KIF15: variants seen among roughly 807,000 people sequenced by gnomAD.
KIF15 encodes the protein kinesin-like protein KIF15.
In KIF15, 140 loss-of-function variants were observed where a neutral mutation model predicts 190.6. The observed-to-expected ratio is 0.73, with a 90% CI of 0.64 to 0.84. The LOEUF is 0.84. Ranked by LOEUF, KIF15 falls within the 40% of genes least tolerant of loss-of-function variation. KIF15 has a pLI of 0.00. For synonymous variants in KIF15, 528 were observed against 551.3 expected, an observed-to-expected ratio of 0.96 and a Z score of 0.59; for missense variants, 1,372 against 1,584.4, an observed-to-expected ratio of 0.87 and a Z score of 2.28.
intron 1 of KIF15, among the ~76,000 whole-genome samples, chr3:44,769,018 A>G (rs1477082009): frequency 6.6e-6 from 1 of 152,052 alleles, no homozygotes; most frequent in Non-Finnish European, 1.5e-5. Flanking sequence ...GTTAAAAAAA[A>G]TTTTTACCCT....
chr3:44,771,921 C>CA (rs1416481510), intron 1 of KIF15, among the ~76,000 whole-genome samples: 6 of 152,088 alleles, frequency 3.9e-5, no homozygotes, highest in African/African-American at 1.4e-4. Context: ...TAACCCTAGG[C>CA]AAAAATGTAC....
intron 6 of KIF15, among the ~76,000 whole-genome samples, chr3:44,866,296 TCTC>T (rs1180173332): frequency 2.0e-5 from 3 of 152,096 alleles, no homozygotes; most frequent in Non-Finnish European, 2.9e-5. Context: ...ATAGTCTCGA[TCTC>T]CTGACCTCGT....
intron 7 of KIF15, among the ~76,000 whole-genome samples, chr3:44,788,859 G>A (rs995993933): frequency 6.6e-6 from 1 of 152,106 alleles, no homozygotes; most frequent in Non-Finnish European, 1.5e-5. Context: ...AATTATCTGG[G>A]TCTTGTGAGA....
intron 27 of KIF15, among the ~76,000 whole-genome samples, chr3:44,840,010 T>C (rs984996557): frequency 2.0e-5 from 3 of 152,250 alleles, no homozygotes; most frequent in East Asian, 1.9e-4. Flanking sequence ...GTCTCTTCAA[T>C]AGACTGATTT....
intron 17 of KIF15, among the ~76,000 whole-genome samples, chr3:44,811,740 T>C (rs990199278): frequency 6.6e-6 from 1 of 152,172 alleles, no homozygotes; most frequent in African/African-American, 2.4e-5. Flanking sequence ...TATTCCAGAA[T>C]TTTTATGGTT....
intron 1 of KIF15, among the ~76,000 whole-genome samples, chr3:44,773,847 C>T (rs574011499): frequency 2.0e-5 from 3 of 152,114 alleles, no homozygotes; most frequent in Non-Finnish European, 4.4e-5. Context: ...AAAGATTAGG[C>T]ACATGGATAC....
chr3:44,824,136 C>T (rs2125684644), intron 20 of KIF15, among the ~76,000 whole-genome samples: 1 of 152,324 alleles, frequency 6.6e-6, no homozygotes, highest in Middle Eastern at 3.4e-3. Flanking sequence ...TCCTGTTTGG[C>T]CATCTTGCCT....
intron 31 of KIF15, 41 bp from the exon 32 acceptor site, chr3:44,848,480 C>A: frequency 1.1e-6 from 1 of 882,460 alleles, no homozygotes; most frequent in Non-Finnish European, 1.8e-6. Context: ...ATTTAAGAAC[C>A]TAAGCAATCT....
chr3:44,816,957 G>A (rs1303970855), intron 20 of KIF15, among the ~76,000 whole-genome samples: 1 of 151,788 alleles, frequency 6.6e-6, no homozygotes, highest in Non-Finnish European at 1.5e-5. Context: ...GTGTCTCATT[G>A]TGGTTTTGAT....
At chr3:44,769,350 G>A (rs1174054616) in intron 1 of KIF15, among the ~76,000 whole-genome samples, 1 of 152,178 alleles carries the variant, frequency 6.6e-6, no homozygotes, top group Non-Finnish European at 1.5e-5. Flanking sequence ...AATACCCAGG[G>A]TAGGTGAGGG....
chr3:44,786,170 C>T (rs907527391), intron 6 of KIF15, among the ~76,000 whole-genome samples: 10 of 152,112 alleles, frequency 6.6e-5, no homozygotes, highest in Non-Finnish European at 1.5e-4. Flanking sequence ...GAGCCAAGAT[C>T]GCGCCACTGC....
At chr3:44,775,126 T>A in intron 2 of KIF15, 128 bp from the exon 3 acceptor site, 1 of 692,142 alleles carries the variant, frequency 1.4e-6, no homozygotes, top group Non-Finnish European at 2.4e-6. Flanking sequence ...TAAATTTGTA[T>A]GGGATATGTC....
downstream of KIF15, among the ~76,000 whole-genome samples, chr3:44,854,608 G>A (rs1183526241): frequency 6.6e-6 from 1 of 152,198 alleles, no homozygotes; most frequent in East Asian, 1.9e-4. Context: ...AAGAGGCTTG[G>A]TTCTGATCAC....
intron 7 of KIF15, 147 bp from the exon 8 acceptor site, chr3:44,794,070 G>A (rs55865174): frequency 1.7e-6 from 1 of 605,714 alleles, no homozygotes; most frequent in Admixed American, 3.0e-5. Flanking sequence ...GTAGAGGTGA[G>A]GTCTCACACT....
intron 24 of KIF15, among the ~76,000 whole-genome samples, chr3:44,829,230 G>T (rs1697843782): frequency 6.6e-6 from 1 of 150,770 alleles, no homozygotes; most frequent in Non-Finnish European, 1.5e-5. Flanking sequence ...GGTGGCAGGT[G>T]CCTGTAGTCC....
At chr3:44,761,988 C>T in intron 1 of KIF15, 104 bp downstream of exon 1, 1 of 1,430,574 alleles carries the variant, frequency 7.0e-7, no homozygotes, top group Non-Finnish European at 9.9e-7. Flanking sequence ...TAGGCATGAA[C>T]TGCAGGAGCT....
At chr3:44,826,487 G>C (rs1179921668) in intron 22 of KIF15, 27 bp downstream of exon 22, 1 of 1,429,108 alleles carries the variant, frequency 7.0e-7, no homozygotes, top group Non-Finnish European at 9.8e-7. Context: ...TTTTCTACTA[G>C]CATACTAGAA....
At chr3:44,813,315 T>C in intron 19 of KIF15, 135 bp downstream of exon 19, 1 of 555,428 alleles carries the variant, frequency 1.8e-6, no homozygotes, top group Non-Finnish European at 3.1e-6. Context: ...ATAACCAGAC[T>C]GCAGTTTGCA....
chr3:44,820,146 C>T (rs150534984), intron 20 of KIF15, among the ~76,000 whole-genome samples: 2,832 of 152,106 alleles, frequency 0.019, 76 homozygotes, highest in African/African-American at 0.063. Flanking sequence ...TGTCTCTGCA[C>T]GTAAGATGGG....
Sources: allele counts gnomAD v4.1 joint callset (sites outside exome capture counted in the v4.1 genomes callset), GRCh38; gene constraint gnomAD v4.1.1; transcripts MANE v1.5; gene names NCBI Gene and HGNC (gene_info 2026-07-23, HGNC 2026-07-21).